Variants in BMP6 observed in about 807,000 individuals in gnomAD.
BMP6 encodes bone morphogenetic protein 6.
A neutral mutation model predicts 54.1 loss-of-function variants in BMP6; 17 were observed. The observed-to-expected ratio is 0.31, with a 90% CI of 0.22 to 0.47. The LOEUF is 0.47. Among genes scored for constraint, BMP6 ranks in the 20% least tolerant of loss-of-function variants. BMP6 has a pLI of 1.00. For synonymous variants in BMP6, 328 were observed against 291.2 expected, an observed-to-expected ratio of 1.13 and a Z score of -1.28; for missense variants, 720 against 690.4, an observed-to-expected ratio of 1.04 and a Z score of -0.48.
rs922416986 is a variant in BMP6, at chr6:7,745,808, G to GA, written c.664+18199dup. ...GCATGATGGTATCTATGATAGAGGTGAAAAAAAAAAGAGGCCGGGTGTGGT... is the reference window on the plus strand; with the variant it reads ...GCATGATGGTATCTATGATAGAGGTGAAAAAAAAAAAGAGGCCGGGTGTGGT... On this transcript the variant is annotated intron_variant, in intron 1 of 6. Coordinates refer to ENST00000283147, the MANE Select transcript of BMP6 (RefSeq NM_001718.6). Among the ~76,000 whole-genome samples, 121 of 145,690 alleles carry GA rather than the reference G, an allele frequency of 8.3e-4. 1 individual carries two copies. Among genetic ancestry groups the GA allele is most frequent in the African/African-American group, 2.5e-3 (100 of 39,894 alleles).
intron 2 of BMP6, among the ~76,000 whole-genome samples, chr6:7,849,891 A>G (rs894411629): frequency 2.0e-5 from 3 of 152,144 alleles, no homozygotes; most frequent in African/African-American, 7.2e-5. Context: ...TTTCTTCTCC[A>G]TGTTCTATCA....
At chr6:7,878,187 A>T (rs1188572517) in intron 4 of BMP6, among the ~76,000 whole-genome samples, 1 of 152,036 alleles carries the variant, frequency 6.6e-6, no homozygotes, top group Non-Finnish European at 1.5e-5. Flanking sequence ...TGCCCGTAGC[A>T]TCCATGTTCT....
intron 1 of BMP6, among the ~76,000 whole-genome samples, chr6:7,842,588 C>T (rs1007498647): frequency 6.6e-6 from 1 of 152,238 alleles, no homozygotes; most frequent in African/African-American, 2.4e-5. Flanking sequence ...AGTCACTCAG[C>T]ACCACTGTTG....
intron 1 of BMP6, among the ~76,000 whole-genome samples, chr6:7,794,105 G>T (rs1758153679): frequency 6.6e-6 from 1 of 152,302 alleles, no homozygotes; most frequent in East Asian, 1.9e-4. Context: ...CTTCACTCTT[G>T]CTCCTTATGG....
chr6:7,732,436 A>G (rs907280297), intron 1 of BMP6, among the ~76,000 whole-genome samples: 2 of 152,224 alleles, frequency 1.3e-5, no homozygotes, highest in African/African-American at 4.8e-5. Flanking sequence ...AAGAATGGGT[A>G]TAAATCCTTT....
chr6:7,813,108 A>AAAAAAAAATAT (rs1554122651), intron 1 of BMP6, among the ~76,000 whole-genome samples: 6 of 21,490 alleles, frequency 2.8e-4, no homozygotes, highest in Non-Finnish European at 4.6e-4. Context: ...AAAAAAAAAA[A>AAAAAAAAATAT]ATATATATAT....
At chr6:7,766,806 C>CATTCCTATCCTATTGGTG (rs1757698361) in intron 1 of BMP6, among the ~76,000 whole-genome samples, 1 of 152,122 alleles carries the variant, frequency 6.6e-6, no homozygotes, top group African/African-American at 2.4e-5. Flanking sequence ...TTTTAGCTAT[C>CATTCCTATCCTATTGGTG]ATTCCTATCC....
chr6:7,880,619 T>TGGA lies in BMP6; in HGVS notation c.*276_*277insGGA. 1 of 459,812 alleles carries TGGA rather than the reference T, an allele frequency of 2.2e-6. No individual in the cohort carries two copies. The highest frequency in any genetic ancestry group is 3.0e-5 in the South Asian group (1 of 33,092). 28.5% of individuals were successfully genotyped at this position (459,812 alleles called of 1,614,324 possible). ...AGAAACATAACCGTGAAGCTCTTCC[T>TGGA]ACCCTCCTCCCCCAAAAACCCACCA... On this transcript the variant is annotated 3_prime_UTR_variant, in exon 7 of 7. Transcript: ENST00000283147.
At chr6:7,771,379 A>G (rs1757784012) in intron 1 of BMP6, among the ~76,000 whole-genome samples, 1 of 152,124 alleles carries the variant, frequency 6.6e-6, no homozygotes, top group African/African-American at 2.4e-5. Context: ...TGCTGTGCCT[A>G]GAGTTGTTCT....
At chr6:7,786,039 T>C (rs553601264) in intron 1 of BMP6, among the ~76,000 whole-genome samples, 19 of 152,032 alleles carry the variant, frequency 1.2e-4, no homozygotes, top group African/African-American at 4.6e-4. Flanking sequence ...CCCTGAAGAG[T>C]CTTGAAAATG....
chr6:7,826,089 C>T (rs1246735723), intron 1 of BMP6, among the ~76,000 whole-genome samples: 7 of 152,220 alleles, frequency 4.6e-5, no homozygotes, highest in African/African-American at 1.7e-4. Context: ...GTTGAGACCA[C>T]GGTCCCCCAG....
intron 1 of BMP6, among the ~76,000 whole-genome samples, chr6:7,779,044 G>C (rs1757902207): frequency 1.3e-5 from 2 of 152,184 alleles, no homozygotes; most frequent in Admixed American, 1.3e-4. Context: ...TGTTGCATTA[G>C]GTGTGCCATA....
In BMP6 at chr6:7,739,404, T is replaced by C. The variant is rs545200271; in HGVS notation, c.664+11785T>C. The stretch of plus-strand genomic sequence containing the variant: ...AGCTTAAATAGAAACTGCATTTTTT[T>C]CTGCACAAAAATACAAGTACTGTAT... On this transcript the variant is annotated intron_variant, in intron 1 of 6. Coordinates refer to ENST00000283147, the MANE Select transcript of BMP6 (RefSeq NM_001718.6). Among the ~76,000 whole-genome samples the C allele has an allele frequency of 3.3e-5, 5 of 152,330 alleles. No individual in the cohort carries two copies. In the East Asian group the frequency reaches 7.7e-4, roughly 23 times the overall value.
At chr6:7,838,432 CACTT>C (rs1393180468) in intron 1 of BMP6, among the ~76,000 whole-genome samples, 7 of 152,168 alleles carry the variant, frequency 4.6e-5, no homozygotes, top group South Asian at 2.1e-4. Flanking sequence ...TCGCCAGTCT[CACTT>C]ACGAACTCAC....
At chr6:7,773,520 G>A (rs1757819957) in intron 1 of BMP6, among the ~76,000 whole-genome samples, 1 of 152,170 alleles carries the variant, frequency 6.6e-6, no homozygotes, top group African/African-American at 2.4e-5. Flanking sequence ...TCTATGTCAT[G>A]CATAAACATA....
At chr6:7,834,674 C>CA (rs71542887) in intron 1 of BMP6, among the ~76,000 whole-genome samples, 3 of 148,620 alleles carry the variant, frequency 2.0e-5, no homozygotes, top group Admixed American at 6.7e-5. Context: ...GGTGCCAACC[C>CA]AAAAAAAATA....
chr6:7,737,418 T>C (rs1216768008), intron 1 of BMP6, among the ~76,000 whole-genome samples: 3 of 152,068 alleles, frequency 2.0e-5, no homozygotes, highest in Non-Finnish European at 4.4e-5. Context: ...GAGTTGCCTT[T>C]CCCCCCATGG....
At chr6:7,744,138 C>T (rs1326441649) in intron 1 of BMP6, among the ~76,000 whole-genome samples, 1 of 152,212 alleles carries the variant, frequency 6.6e-6, no homozygotes, top group Non-Finnish European at 1.5e-5. Context: ...GTTTATCCAT[C>T]CATTTTCCCA....
intron 1 of BMP6, among the ~76,000 whole-genome samples, chr6:7,778,319 C>G (rs945283968): frequency 6.6e-6 from 1 of 152,212 alleles, no homozygotes; most frequent in African/African-American, 2.4e-5. Flanking sequence ...TTCCAAACAT[C>G]GTACTCTGTT....
Sources: allele counts gnomAD v4.1 joint callset (sites outside exome capture counted in the v4.1 genomes callset), GRCh38; gene constraint gnomAD v4.1.1; transcripts MANE v1.5; gene names NCBI Gene and HGNC (gene_info 2026-07-23, HGNC 2026-07-21).